Variants in MBD5 observed in about 807,000 individuals in gnomAD.
MBD5 encodes the protein methyl-CpG-binding domain protein 5.
A neutral mutation model predicts 117.3 loss-of-function variants in MBD5; 13 were observed. The observed-to-expected ratio is 0.11, with a 90% CI of 0.07 to 0.18. The LOEUF (loss-of-function observed/expected upper bound fraction) is 0.18. MBD5 is among the 10% of genes least tolerant of loss of function. MBD5 has a pLI of 1.00. For synonymous variants in MBD5, 727 were observed against 766.4 expected (o/e 0.95, Z 0.85); for missense variants, 1,879 against 2,093.8 (o/e 0.90, Z 2.00).
chr2:148,313,346 G>A (rs1233510264), intron 3 of MBD5, among the ~76,000 whole-genome samples: 1 of 152,196 alleles, frequency 6.6e-6, no homozygotes, highest in African/African-American at 2.4e-5. Context: ...CAGAGATGCT[G>A]TTCTCAGAGA....
At chr2:148,131,588 C>T (rs187197898) in intron 1 of MBD5, among the ~76,000 whole-genome samples, 250 of 152,218 alleles carry the variant, frequency 1.6e-3, no homozygotes, top group African/African-American at 5.6e-3. Context: ...CCTAGCTACT[C>T]AGGAGGCTGA....
chr2:148,203,417 T>G (rs1699192482), intron 2 of MBD5, among the ~76,000 whole-genome samples: 1 of 152,246 alleles, frequency 6.6e-6, no homozygotes, highest in African/African-American at 2.4e-5. Flanking sequence ...TGCACTCTGA[T>G]GACATTTTTC....
chr2:148,216,257 G>A (rs940762194), intron 2 of MBD5, among the ~76,000 whole-genome samples: 2 of 152,036 alleles, frequency 1.3e-5, no homozygotes, highest in African/African-American at 4.8e-5. Flanking sequence ...GATCACAGAT[G>A]CATGCCTCAA....
At chr2:148,350,864 A>G (rs976411094) in intron 4 of MBD5, among the ~76,000 whole-genome samples, 1 of 151,764 alleles carries the variant, frequency 6.6e-6, no homozygotes, top group Non-Finnish European at 1.5e-5. Flanking sequence ...ATCTCTTTTT[A>G]TATGCAATGC....
intron 1 of MBD5, among the ~76,000 whole-genome samples, chr2:148,047,169 C>G (rs77535805): frequency 9.8e-5 from 15 of 152,324 alleles, no homozygotes; most frequent in African/African-American, 3.1e-4. Flanking sequence ...CCTCAATTTT[C>G]CCCTTCTTAG....
intron 11 of MBD5, among the ~76,000 whole-genome samples, chr2:148,498,817 C>T (rs1681784488): frequency 6.6e-6 from 1 of 152,136 alleles, no homozygotes; most frequent in African/African-American, 2.4e-5. Context: ...GCCTTCTGAA[C>T]AAAATAAGCA....
chr2:148,146,818 C>G (rs1343813684), intron 1 of MBD5, among the ~76,000 whole-genome samples: 2 of 152,090 alleles, frequency 1.3e-5, no homozygotes, highest in African/African-American at 4.8e-5. Context: ...AAGATAGTCT[C>G]AATTAACCTG....
intron 3 of MBD5, among the ~76,000 whole-genome samples, chr2:148,297,720 T>C (rs1166291580): frequency 6.6e-6 from 1 of 152,202 alleles, no homozygotes; most frequent in Non-Finnish European, 1.5e-5. Flanking sequence ...TCTGTTTTGT[T>C]TAATAACTGA....
chr2:148,147,431 G>A (rs1450210739), intron 1 of MBD5, among the ~76,000 whole-genome samples: 3 of 151,142 alleles, frequency 2.0e-5, no homozygotes, highest in East Asian at 2.0e-4. Flanking sequence ...TAGTAGAGAC[G>A]AGGTTTCACC....
rs932469393 is a variant in MBD5, at chr2:148,483,818, T to C, written c.3227T>C (p.Val1076Ala). The C allele has an allele frequency of 5.3e-5, 82 of 1,550,402 alleles. No individual in the cohort carries two copies. The highest frequency in any genetic ancestry group is 7.8e-5 in the Admixed American group (4 of 50,988). ...TTFNPLFLPAVNGASGLMTLN... is the reference protein window; with the variant it reads ...TTFNPLFLPAANGASGLMTLN... ...TTTAACCCCCTGTTCCTCCCAGCTG[T>C]CAATGGGGCCTCAGGATTAATGACC... The change falls in exon 9 of 14, where the codon GTC becomes GCC. Residue 1076 changes from valine (V) to alanine (A), a missense_variant. This residue lies in a region of MBD5 where 1,666 missense variants were observed against 1,792.2 expected (regional missense o/e 0.93). Coordinates refer to ENST00000642680, the MANE Select transcript of MBD5 (RefSeq NM_001378120.1).
At chr2:148,287,864 G>C (rs971930135) in intron 3 of MBD5, among the ~76,000 whole-genome samples, 3 of 151,996 alleles carry the variant, frequency 2.0e-5, no homozygotes, top group African/African-American at 7.2e-5. Flanking sequence ...ATCCCCTCTT[G>C]AAACTCCGAG....
intron 7 of MBD5, among the ~76,000 whole-genome samples, chr2:148,467,567 A>G (rs1267863207): frequency 6.6e-6 from 1 of 152,194 alleles, no homozygotes; most frequent in Non-Finnish European, 1.5e-5. Flanking sequence ...GCAGTCTTTT[A>G]CCTAAGTTGG....
chr2:148,311,573 G>C (rs1353222129), intron 3 of MBD5, among the ~76,000 whole-genome samples: 1 of 152,108 alleles, frequency 6.6e-6, no homozygotes, highest in Non-Finnish European at 1.5e-5. Flanking sequence ...CCTGAATACA[G>C]CACACTGATG....
intron 13 of MBD5, among the ~76,000 whole-genome samples, chr2:148,511,961 C>G (rs183855285): frequency 6.6e-6 from 1 of 152,186 alleles, no homozygotes; most frequent in African/African-American, 2.4e-5. Flanking sequence ...TCATCTCTTC[C>G]TAATTCTAAG....
At chr2:148,415,265 CT>C (rs948203267) in intron 4 of MBD5, among the ~76,000 whole-genome samples, 1 of 151,912 alleles carries the variant, frequency 6.6e-6, no homozygotes, top group Admixed American at 6.6e-5. Context: ...CTTGGAATTT[CT>C]TTTTTTTAAG....
intron 4 of MBD5, among the ~76,000 whole-genome samples, chr2:148,383,108 A>G (rs1355964173): frequency 6.6e-6 from 1 of 152,152 alleles, no homozygotes; most frequent in Non-Finnish European, 1.5e-5. Context: ...CTAATATCAG[A>G]GCAGAACTGA....
At chr2:148,460,477 T>A (rs1707034046) in intron 5 of MBD5, among the ~76,000 whole-genome samples, 1 of 152,196 alleles carries the variant, frequency 6.6e-6, no homozygotes, top group African/African-American at 2.4e-5. Flanking sequence ...TTTAATTTGT[T>A]TGTATATAAC....
chr2:148,416,481 C>T (rs1286594931), intron 4 of MBD5, among the ~76,000 whole-genome samples: 1 of 152,170 alleles, frequency 6.6e-6, no homozygotes, highest in Non-Finnish European at 1.5e-5. Context: ...GCACACACAT[C>T]AGCTGGGGCC....
At chr2:148,507,556 G>C (rs1257793529) in intron 12 of MBD5, among the ~76,000 whole-genome samples, 1 of 151,826 alleles carries the variant, frequency 6.6e-6, no homozygotes, top group Non-Finnish European at 1.5e-5. Flanking sequence ...TCAGGAGATC[G>C]AGACCATCCT....
Sources: gnomAD v4.1 joint callset for allele counts (sites outside exome capture counted in the v4.1 genomes callset) on GRCh38, gnomAD v4.1.1 for gene constraint, gnomAD v4.1.1 regional missense constraint, MANE v1.5 for transcripts, NCBI Gene and HGNC (gene_info 2026-07-23, HGNC 2026-07-21) for gene names.